The following PRELID3A variants were observed in gnomAD, a reference collection of about 807,000 sequenced individuals.
PRELID3A encodes PRELI domain containing protein 3A.
PRELID3A carries 27 observed loss-of-function variants against 23.0 expected under a neutral mutation model. The observed-to-expected ratio is 1.17, with a 90% CI of 0.87 to 1.62. The LOEUF is 1.62. PRELID3A is among the 40% of genes most tolerant of loss of function. PRELID3A has a pLI of 0.00. For missense variants in PRELID3A, 231 were observed against 231.4 expected, an observed-to-expected ratio of 1.00 and a Z score of 0.01; for synonymous variants, 87 against 86.4, an observed-to-expected ratio of 1.01 and a Z score of -0.04.
At position 12,419,628 on chromosome 18, in the gene PRELID3A, C is replaced by CA. The variant is rs1017609190; in HGVS notation, c.33-688dup. On this transcript the variant is annotated intron_variant, in intron 1 of 6. Coordinates refer to ENST00000440960, the MANE Select transcript of PRELID3A (RefSeq NM_001142405.2). ...TGGGTGATAGAGTGAGACCCCATCTCAAAAAAAAATTAATTAATTTAAAAA... is the reference window on the plus strand; with the variant it reads ...TGGGTGATAGAGTGAGACCCCATCTCAAAAAAAAAATTAATTAATTTAAAAA... Among the ~76,000 whole-genome samples, 136 of 147,552 alleles carry CA rather than the reference C, an allele frequency of 9.2e-4. 1 individual carries two copies. Among genetic ancestry groups the CA allele is most frequent in the African/African-American group, 3.3e-3 (130 of 39,904 alleles).
chr18:12,427,277 A>G lies in PRELID3A; in HGVS notation c.419A>G (p.Tyr140Cys). 6.2e-7 allele frequency: 1 copy of G among 1,614,182 alleles called. No individual in the cohort carries two copies. Among genetic ancestry groups the G allele is most frequent in the Non-Finnish European group, 8.5e-7 (1 of 1,180,008 alleles). Reference sequence around the variant, plus strand: ...GTGAAGGGGATTAGCCTTGGTAGTTATTTGGAAAGTTTAATGGCCAATACG... The same window carrying G: ...GTGAAGGGGATTAGCCTTGGTAGTTGTTTGGAAAGTTTAATGGCCAATACG... ...ITVKGISLGS[Y>C]LESLMANTIS... The change falls in exon 5 of 7, where the codon TAT becomes TGT. Residue 140 changes from tyrosine to cysteine, a missense_variant. Transcript: ENST00000440960.
chr18:12,428,412 C>T (rs1488676378), intron 5 of PRELID3A, among the ~76,000 whole-genome samples: 2 of 152,200 alleles, frequency 1.3e-5, no homozygotes, highest in East Asian at 1.9e-4. Flanking sequence ...GTCCCTCCTA[C>T]CCCTCACTCT....
intron 3 of PRELID3A, among the ~76,000 whole-genome samples, chr18:12,425,593 C>T (rs1212790931): frequency 1.3e-5 from 2 of 149,590 alleles, no homozygotes; most frequent in Non-Finnish European, 3.0e-5. Context: ...GATCATGCCA[C>T]TGCACTCCAG....
intron 1 of PRELID3A, among the ~76,000 whole-genome samples, chr18:12,416,958 T>C (rs2029980712): frequency 6.6e-6 from 1 of 152,084 alleles, no homozygotes; most frequent in Non-Finnish European, 1.5e-5. Flanking sequence ...CAAGACTATT[T>C]TCTTTAACCA....
intron 1 of PRELID3A, 185 bp from the exon 2 acceptor site, chr18:12,420,140 G>A (rs1412205976): frequency 7.0e-7 from 1 of 1,426,502 alleles, no homozygotes; most frequent in African/African-American, 1.4e-5. Flanking sequence ...CAGGTGCCGA[G>A]GCGTGCAGGT....
At chr18:12,421,813 CATA>C (rs1306175056) in intron 3 of PRELID3A, among the ~76,000 whole-genome samples, 184 bp downstream of exon 3, 1 of 152,166 alleles carries the variant, frequency 6.6e-6, no homozygotes, top group Non-Finnish European at 1.5e-5. Context: ...GAAAAATGCA[CATA>C]ATGATGAATT....
At position 12,407,947 on chromosome 18, in the gene PRELID3A, C is replaced by G. The variant is rs757032496; in HGVS notation, c.-29C>G. ...GCGGCCCGAAGCACCCGGCCCGGATCGCAGAGCCCGCGCCCTGCGCCGGCG... is the reference window on the plus strand; with the variant it reads ...GCGGCCCGAAGCACCCGGCCCGGATGGCAGAGCCCGCGCCCTGCGCCGGCG... On this transcript the variant is annotated 5_prime_UTR_variant, in exon 1 of 7. In the 5' UTR this introduces an upstream ATG that the reference lacks. Coordinates refer to ENST00000440960, the MANE Select transcript of PRELID3A (RefSeq NM_001142405.2). 3.9e-6 allele frequency: 5 copies of G among 1,292,012 alleles called. No individual in the cohort carries two copies. The highest frequency in any genetic ancestry group is 3.9e-6 in the Non-Finnish European group (4 of 1,022,624). 80.0% of individuals were successfully genotyped at this position (1,292,012 alleles called of 1,614,324 possible). A position where few individuals can be genotyped will look rare whatever the true frequency, so the allele number is the denominator to read the frequency against.
intron 1 of PRELID3A, among the ~76,000 whole-genome samples, chr18:12,415,500 G>T (rs572594174): frequency 1.3e-5 from 2 of 151,212 alleles, no homozygotes; most frequent in Non-Finnish European, 3.0e-5. Flanking sequence ...CAAGTGATCC[G>T]CCCGCCTCGG....
chr18:12,432,197 TC>T lies in PRELID3A; in HGVS notation c.*1084del, dbSNP rs1239199087. 2 of 152,198 alleles carry T rather than the reference TC, an allele frequency of 1.3e-5. No homozygotes were observed. Among genetic ancestry groups the T allele is most frequent in the East Asian group, 3.9e-4 (2 of 5,188 alleles). 9.4% of individuals were successfully genotyped at this position (152,198 alleles called of 1,614,324 possible). The stretch of plus-strand genomic sequence containing the variant: ...GAAAGCGTATGTGTGGCCTTTCTCT[TC>T]CCTTCTTTTATTAAACACAGATAGG... On this transcript the variant is annotated 3_prime_UTR_variant, in exon 7 of 7. Coordinates refer to ENST00000440960, the MANE Select transcript of PRELID3A (RefSeq NM_001142405.2).
Position 12,420,485 on chromosome 18 carries a change from G to C in PRELID3A, c.193G>C (p.Val65Leu). The change falls in exon 2 of 7, where the codon GTG (valine) becomes CTG (leucine). Residue 65 changes from valine to leucine, a missense_variant. Coordinates refer to ENST00000440960, the MANE Select transcript of PRELID3A (RefSeq NM_001142405.2). ...CACCGAGTGGGGGCTGCCCAGCCTC[G>C]TGAGAGCGGTGAGCGGGGCGGGGGC... ...LSTEWGLPSL[V>L]RAILGTSRTL... is the part of the protein sequence containing the mutation. The C allele has an allele frequency of 6.5e-7, 1 of 1,536,732 alleles. No individual in the cohort carries two copies. Among genetic ancestry groups the C allele is most frequent in the Non-Finnish European group, 8.8e-7 (1 of 1,140,308 alleles).
chr18:12,414,480 C>T (rs1168617333), intron 1 of PRELID3A, among the ~76,000 whole-genome samples: 6 of 152,176 alleles, frequency 3.9e-5, no homozygotes, highest in African/African-American at 1.4e-4. Context: ...AATCCCAGCA[C>T]TTTGGGAGGC....
intron 3 of PRELID3A, among the ~76,000 whole-genome samples, chr18:12,424,628 T>G (rs538838176): frequency 3.3e-5 from 5 of 152,148 alleles, no homozygotes; most frequent in Non-Finnish European, 7.4e-5. Context: ...ACAGTGAGGC[T>G]GGGGGAGGGA....
rs964314000 is a variant in PRELID3A, at chr18:12,420,454, G to A, written c.162G>A (p.Leu54=). ...GCGGCCGCCTGCACAGCTTGCGCCT[G>A]CTCAGCACCGAGTGGGGGCTGCCCA... ...DGRGRLHSLR[L]LSTEWGLPSL... The change falls in exon 2 of 7, where the codon CTG becomes CTA. Residue 54 remains leucine (L), a synonymous_variant. Transcript: ENST00000440960. 6.4e-7 allele frequency: 1 copy of A among 1,568,950 alleles called. No individual in the cohort carries two copies. The highest frequency in any genetic ancestry group is 8.6e-7 in the Non-Finnish European group (1 of 1,158,084).
intron 2 of PRELID3A, among the ~76,000 whole-genome samples, chr18:12,421,129 C>T (rs982543167): frequency 1.3e-5 from 2 of 152,202 alleles, no homozygotes; most frequent in Non-Finnish European, 2.9e-5. Context: ...CACACCCTGG[C>T]CTGGCGCAGG....
chr18:12,411,868 C>T (rs187783310), intron 1 of PRELID3A, among the ~76,000 whole-genome samples: 9 of 152,208 alleles, frequency 5.9e-5, no homozygotes, highest in Admixed American at 5.9e-4. Flanking sequence ...GTTCACTTTA[C>T]CGCATCTGTG....
chr18:12,410,188 T>C lies in PRELID3A; in HGVS notation c.32+2181T>C, dbSNP rs144537331. On this transcript the variant is annotated intron_variant, in intron 1 of 6. Transcript: ENST00000440960. ...GTCAGTATTTCATTTCTCCCATCATTCATTTTGTATTCCTGGCACCCCGCC... is the reference window on the plus strand; with the variant it reads ...GTCAGTATTTCATTTCTCCCATCATCCATTTTGTATTCCTGGCACCCCGCC... 7.5e-3 allele frequency among the ~76,000 whole-genome samples: 1,140 copies of C among 152,326 alleles called. 13 individuals carry two copies. The highest frequency in any genetic ancestry group is 0.025 in the African/African-American group (1,053 of 41,580).
chr18:12,418,497 T>A (rs534811031), intron 1 of PRELID3A, among the ~76,000 whole-genome samples: 2 of 152,390 alleles, frequency 1.3e-5, no homozygotes, highest in South Asian at 4.1e-4. Flanking sequence ...TGTGTCTGCA[T>A]GCATATGTGC....
At chr18:12,412,213 A>T (rs1250322160) in intron 1 of PRELID3A, among the ~76,000 whole-genome samples, 1 of 126,662 alleles carries the variant, frequency 7.9e-6, no homozygotes, top group African/African-American at 3.1e-5. Context: ...TTCCAGGTGG[A>T]GTCTCACTCT....
chr18:12,414,608 C>A (rs1009533451), intron 1 of PRELID3A, among the ~76,000 whole-genome samples: 1 of 152,096 alleles, frequency 6.6e-6, no homozygotes, highest in African/African-American at 2.4e-5. Flanking sequence ...TGCCTGTAGT[C>A]CTAGCTACTC....
Sources: allele counts gnomAD v4.1 joint callset (sites outside exome capture counted in the v4.1 genomes callset), GRCh38; gene constraint gnomAD v4.1.1; transcripts MANE v1.5; gene names NCBI Gene and HGNC (gene_info 2026-07-23, HGNC 2026-07-21).